Variants in WWOX observed in about 807,000 individuals in gnomAD.
The protein encoded by WWOX is WW domain-containing oxidoreductase.
WWOX carries 69 observed loss-of-function variants against 46.2 expected under a neutral mutation model. The observed-to-expected ratio is 1.49, with a 90% CI of 1.23 to 1.82. The LOEUF is 1.82. WWOX is among the 40% of genes most tolerant of loss of function. The probability of loss-of-function intolerance (pLI) is 0.00; values close to 1 mark genes in which losing one functional copy is unlikely to be tolerated. For missense variants in WWOX, 919 were observed against 542.6 expected (o/e 1.69, Z -6.89); for synonymous variants, 359 against 202.6 (o/e 1.77, Z -6.56).
At chr16:78,590,269 T>C (rs1208410664) in intron 8 of WWOX, among the ~76,000 whole-genome samples, 1 of 152,034 alleles carries the variant, frequency 6.6e-6, no homozygotes, top group Non-Finnish European at 1.5e-5. Flanking sequence ...TGGTGTCTGG[T>C]GAGGGCTGCT....
Position 78,121,823 on chromosome 16 carries a change from T to A in WWOX, c.409+6669T>A, listed in dbSNP as rs546783697. Among the ~76,000 whole-genome samples the A allele has an allele frequency of 1.7e-3, 263 of 152,118 alleles. 2 individuals carry two copies. The highest frequency in any genetic ancestry group is 6.1e-3 in the African/African-American group (254 of 41,486). ...ATTACAGGTGCACACCACCACTCCC[T>A]ACTAATTTTATGTTTTTAGTAGAGA... On this transcript the variant is annotated intron_variant, in intron 4 of 8. Coordinates refer to ENST00000566780, the MANE Select transcript of WWOX (RefSeq NM_016373.4).
chr16:78,839,104 A>G (rs368164669), intron 8 of WWOX, among the ~76,000 whole-genome samples: 1 of 152,258 alleles, frequency 6.6e-6, no homozygotes, highest in Non-Finnish European at 1.5e-5. Context: ...TCTTGACTGC[A>G]TGTGAATCTA....
At chr16:78,964,528 G>A (rs113069236) in intron 8 of WWOX, among the ~76,000 whole-genome samples, 2,149 of 152,302 alleles carry the variant, frequency 0.014, 68 homozygotes, top group African/African-American at 0.049. Flanking sequence ...GGTGACTTGG[G>A]TGCTGTTAAA....
intron 8 of WWOX, among the ~76,000 whole-genome samples, chr16:79,146,944 A>T (rs57836526): frequency 6.6e-6 from 1 of 152,174 alleles, no homozygotes; most frequent in African/African-American, 2.4e-5. Flanking sequence ...GAAGACTCAC[A>T]TGTAGTTGTA....
chr16:79,141,017 G>C (rs1015446100), intron 8 of WWOX, among the ~76,000 whole-genome samples: 1 of 152,150 alleles, frequency 6.6e-6, no homozygotes, highest in Non-Finnish European at 1.5e-5. Context: ...CCTGTGAAAG[G>C]AAGATAAATC....
intron 8 of WWOX, among the ~76,000 whole-genome samples, chr16:78,788,692 A>G (rs1483401686): frequency 2.0e-5 from 3 of 152,180 alleles, no homozygotes; most frequent in Admixed American, 6.5e-5. Context: ...TGTTTTCCTG[A>G]GTTCTGTCAT....
chr16:78,245,671 G>A (rs1228482716), intron 5 of WWOX, among the ~76,000 whole-genome samples: 2 of 152,230 alleles, frequency 1.3e-5, no homozygotes, highest in African/African-American at 4.8e-5. Context: ...TAGTGGGAAC[G>A]GAGTGGGGAT....
At chr16:78,515,026 T>C (rs9319524) in intron 8 of WWOX, among the ~76,000 whole-genome samples, 134,531 of 152,070 alleles carry the variant, frequency 0.88, 60,229 homozygotes, top group Non-Finnish European at 0.96. Flanking sequence ...TCAAGACCAG[T>C]CTGGCCAGTG....
intron 8 of WWOX, among the ~76,000 whole-genome samples, chr16:78,780,132 C>T (rs1006286934): frequency 6.6e-6 from 1 of 152,156 alleles, no homozygotes; most frequent in Non-Finnish European, 1.5e-5. Context: ...GGGTCCTACA[C>T]AACTTGGGGT....
chr16:79,103,050 G>T (rs1019149987), intron 8 of WWOX, among the ~76,000 whole-genome samples: 10 of 150,810 alleles, frequency 6.6e-5, no homozygotes, highest in African/African-American at 2.5e-4. Flanking sequence ...TTTGCTTCTT[G>T]CTTTGGGCAA....
chr16:78,215,249 C>T (rs2036681659), intron 5 of WWOX, among the ~76,000 whole-genome samples: 1 of 152,122 alleles, frequency 6.6e-6, no homozygotes, highest in Non-Finnish European at 1.5e-5. Context: ...ACAGTGTTTC[C>T]TCTTTGTTAA....
chr16:79,096,243 A>C (rs1425863941), intron 8 of WWOX, among the ~76,000 whole-genome samples: 1 of 152,022 alleles, frequency 6.6e-6, no homozygotes, highest in East Asian at 1.9e-4. Context: ...ACGGAGAACC[A>C]GAATCTCCTT....
intron 6 of WWOX, among the ~76,000 whole-genome samples, chr16:78,398,500 G>A (rs1024915892): frequency 2.6e-5 from 4 of 152,168 alleles, no homozygotes; most frequent in African/African-American, 9.7e-5. Flanking sequence ...CCTCTACAGA[G>A]CCTCCCTTCT....
In WWOX at chr16:78,342,859, A is replaced by C. The variant is rs576869467; in HGVS notation, c.517-44001A>C. Among the ~76,000 whole-genome samples, 34 of 120,648 alleles carry C rather than the reference A, an allele frequency of 2.8e-4. 14 individuals carry two copies. Among genetic ancestry groups the C allele is most frequent in the Non-Finnish European group, 4.4e-4 (22 of 50,448 alleles). 79.1% of individuals were successfully genotyped at this position (120,648 alleles called of 152,430 possible). ...CAGGAGAGCCACATATTTCTTAGTG[A>C]GGGGACCCAGAATGATCCCTTTTGT... On this transcript the variant is annotated intron_variant, in intron 5 of 8. Coordinates refer to ENST00000566780, the MANE Select transcript of WWOX (RefSeq NM_016373.4).
intron 8 of WWOX, among the ~76,000 whole-genome samples, chr16:79,014,822 C>G (rs1198255659): frequency 6.6e-6 from 1 of 152,148 alleles, no homozygotes; most frequent in Non-Finnish European, 1.5e-5. Flanking sequence ...TACTTTTGTT[C>G]AACTTATATT....
At chr16:78,865,497 C>G (rs188315777) in intron 8 of WWOX, among the ~76,000 whole-genome samples, 1 of 152,280 alleles carries the variant, frequency 6.6e-6, no homozygotes, top group East Asian at 1.9e-4. Context: ...ACCTCAGTTT[C>G]CTTTGCCACA....
chr16:78,418,743 C>G (rs117454585), intron 6 of WWOX, among the ~76,000 whole-genome samples: 1 of 152,116 alleles, frequency 6.6e-6, no homozygotes, highest in African/African-American at 2.4e-5. Flanking sequence ...AGGTCCAGCA[C>G]GCTTTCTTGA....
chr16:78,411,429 G>C (rs2082677985), intron 6 of WWOX, among the ~76,000 whole-genome samples: 1 of 152,124 alleles, frequency 6.6e-6, no homozygotes, highest in Non-Finnish European at 1.5e-5. Context: ...AGAACAATTA[G>C]GAATTTGACA....
chr16:79,008,859 C>T (rs1437847328), intron 8 of WWOX, among the ~76,000 whole-genome samples: 1 of 150,962 alleles, frequency 6.6e-6, no homozygotes, highest in Non-Finnish European at 1.5e-5. Context: ...GTGGCAGGGC[C>T]TTTAATTGGA....
Sources: allele counts gnomAD v4.1 joint callset (sites outside exome capture counted in the v4.1 genomes callset), GRCh38; gene constraint gnomAD v4.1.1; transcripts MANE v1.5; gene names NCBI Gene and HGNC (gene_info 2026-07-23, HGNC 2026-07-21).